Variants in TRMT10B observed in about 807,000 individuals in gnomAD.
TRMT10B encodes tRNA methyltransferase 10B, also known as tRNA methyltransferase 10 homolog B.
A neutral mutation model predicts 43.8 loss-of-function variants in TRMT10B; 33 were observed. That is an observed-to-expected ratio of 0.75 (90% CI 0.57 to 1.01). The LOEUF (loss-of-function observed/expected upper bound fraction) is 1.01, where lower values mean the gene tolerates loss of function less well. Among genes scored for constraint, TRMT10B ranks in the 50% least tolerant of loss-of-function variants. TRMT10B has a pLI of 0.00. For missense variants in TRMT10B, 362 were observed against 369.8 expected (o/e 0.98, Z 0.17); for synonymous variants, 137 against 130.6 (o/e 1.05, Z -0.34).
In TRMT10B at chr9:37,770,848, C is replaced by T. The variant is rs562935077; in HGVS notation, c.720+109C>T. Reference sequence around the variant, plus strand: ...AGAGGGTCTAAGAACTCAGAGGGAACAGGAAGAAAGAGCCATCCCCACCAG... The same window carrying T: ...AGAGGGTCTAAGAACTCAGAGGGAATAGGAAGAAAGAGCCATCCCCACCAG... On this transcript the variant is annotated intron_variant, in intron 7 of 8. Coordinates refer to ENST00000297994, the MANE Select transcript of TRMT10B (RefSeq NM_144964.4). 78 of 1,181,116 alleles carry T rather than the reference C, an allele frequency of 6.6e-5. 1 individual carries two copies. The South Asian group carries it at 1.2e-3, about 19-fold the overall frequency. The allele number at this position is 1,181,116 out of a possible 1,614,324, so 73.2% of individuals were successfully genotyped here.
chr9:37,765,751 G>A (rs1333291408), intron 4 of TRMT10B, among the ~76,000 whole-genome samples: 3 of 152,124 alleles, frequency 2.0e-5, no homozygotes, highest in African/African-American at 7.2e-5. Context: ...AGCACCTGTT[G>A]TTTCCTGACT....
At chr9:37,765,656 C>T (rs537143293) in intron 4 of TRMT10B, among the ~76,000 whole-genome samples, 11 of 152,258 alleles carry the variant, frequency 7.2e-5, no homozygotes, top group Admixed American at 2.0e-4. Flanking sequence ...CCTGAGGAAT[C>T]GCCACACCGA....
At chr9:37,759,342 A>AT (rs1203104100) in intron 1 of TRMT10B, among the ~76,000 whole-genome samples, 1 of 152,230 alleles carries the variant, frequency 6.6e-6, no homozygotes, top group African/African-American at 2.4e-5. Context: ...ATAAGTCTCA[A>AT]ATATTTTGAG....
chr9:37,762,830 A>G (rs1216453694), intron 3 of TRMT10B, 145 bp downstream of exon 3: 5 of 1,112,186 alleles, frequency 4.5e-6, no homozygotes, highest in Non-Finnish European at 6.2e-6. Flanking sequence ...GAATCAAAAC[A>G]TCAAAGAAAG....
intron 1 of TRMT10B, among the ~76,000 whole-genome samples, chr9:37,755,237 C>G (rs576992179): frequency 1.9e-3 from 292 of 150,104 alleles, no homozygotes; most frequent in African/African-American, 6.7e-3. Flanking sequence ...CGCCACTGCA[C>G]TCCAGCCTGG....
chr9:37,770,854 G>T (rs1435250376), intron 7 of TRMT10B, 115 bp downstream of exon 7: 2 of 1,084,228 alleles, frequency 1.8e-6, no homozygotes, highest in Non-Finnish European at 2.6e-6. Context: ...GGAACAGGAA[G>T]AAAGAGCCAT....
At chr9:37,762,823 TC>T in intron 3 of TRMT10B, 138 bp downstream of exon 3, 1 of 1,149,194 alleles carries the variant, frequency 8.7e-7, no homozygotes, top group Non-Finnish European at 1.2e-6. Flanking sequence ...TTCTTGGGAA[TC>T]AAAACATCAA....
intron 4 of TRMT10B, among the ~76,000 whole-genome samples, chr9:37,766,310 T>G (rs1826981348): frequency 6.6e-6 from 1 of 152,198 alleles, no homozygotes; most frequent in Non-Finnish European, 1.5e-5. Flanking sequence ...TAGCCAGTTT[T>G]CCCAGCACCA....
chr9:37,763,876 T>C, intron 4 of TRMT10B, 123 bp downstream of exon 4: 1 of 1,569,968 alleles, frequency 6.4e-7, no homozygotes, highest in African/African-American at 1.4e-5. Flanking sequence ...GTAAAGTGTT[T>C]GATTTTCTAT....
chr9:37,769,840 T>A, intron 5 of TRMT10B, 101 bp from the exon 6 acceptor site: 1 of 893,710 alleles, frequency 1.1e-6, no homozygotes, highest in South Asian at 1.3e-5. Context: ...GGAGCTCAAG[T>A]GATCCTTCCA....
intron 1 of TRMT10B, among the ~76,000 whole-genome samples, chr9:37,759,378 T>A (rs1478569482): frequency 6.6e-6 from 1 of 152,216 alleles, no homozygotes; most frequent in Non-Finnish European, 1.5e-5. Flanking sequence ...TGCTAAAGAG[T>A]ACATACTGTT....
At chr9:37,768,734 G>A (rs1403211698) in intron 5 of TRMT10B, among the ~76,000 whole-genome samples, 3 of 152,208 alleles carry the variant, frequency 2.0e-5, no homozygotes, top group Non-Finnish European at 4.4e-5. Context: ...AGCTGAGACT[G>A]AGCAGTTGTG....
chr9:37,774,637 T>C (rs1827941575), intron 7 of TRMT10B, among the ~76,000 whole-genome samples: 1 of 152,248 alleles, frequency 6.6e-6, no homozygotes, highest in Non-Finnish European at 1.5e-5. Context: ...AGACTTTTTA[T>C]AAAACAAACG....
upstream of TRMT10B, among the ~76,000 whole-genome samples, chr9:37,753,137 C>T (rs948120983): frequency 1.3e-5 from 2 of 152,026 alleles, no homozygotes; most frequent in African/African-American, 2.4e-5. Flanking sequence ...AGATCTGCAG[C>T]TTCACTCCTG....
chr9:37,770,124 C>A (rs1371471237), intron 6 of TRMT10B, 105 bp downstream of exon 6: 2 of 999,668 alleles, frequency 2.0e-6, no homozygotes, highest in East Asian at 4.8e-5. Context: ...CCCCTCCCCA[C>A]CCCCACAAAA....
chr9:37,778,160 T>TTA lies in TRMT10B; in HGVS notation c.*454_*455dup, dbSNP rs1828385034. Reference sequence around the variant, plus strand: ...TTCACAATAATGTCAGGGACCACATTTAATGCTTTTTAATCTCCCATAGTG... The same window carrying TTA: ...TTCACAATAATGTCAGGGACCACATTTATAATGCTTTTTAATCTCCCATAGTG... On this transcript the variant is annotated 3_prime_UTR_variant, in exon 9 of 9. Transcript: ENST00000297994. 6.2e-6 allele frequency: 1 copy of TTA among 160,526 alleles called. No individual in the cohort carries two copies. 9.9% of individuals were successfully genotyped at this position (160,526 alleles called of 1,614,324 possible).
intron 1 of TRMT10B, 53 bp from the exon 2 acceptor site, chr9:37,761,850 T>G (rs1826371472): frequency 7.9e-7 from 1 of 1,271,256 alleles, no homozygotes; most frequent in Non-Finnish European, 1.1e-6. Context: ...TGTAGGGAGA[T>G]ACCTATGTTA....
chr9:37,757,844 C>T (rs1378743698), intron 1 of TRMT10B, among the ~76,000 whole-genome samples: 1 of 152,206 alleles, frequency 6.6e-6, no homozygotes, highest in Non-Finnish European at 1.5e-5. Context: ...CTTAAATCCT[C>T]TAGCTATTGT....
intron 7 of TRMT10B, among the ~76,000 whole-genome samples, chr9:37,775,056 C>T (rs1564005317): frequency 6.6e-6 from 1 of 152,180 alleles, no homozygotes; most frequent in Non-Finnish European, 1.5e-5. Flanking sequence ...GGGAATAGAC[C>T]TAGGATGAAT....
Sources: gnomAD v4.1 joint callset for allele counts (sites outside exome capture counted in the v4.1 genomes callset) on GRCh38, gnomAD v4.1.1 for gene constraint, MANE v1.5 for transcripts, NCBI Gene and HGNC (gene_info 2026-07-23, HGNC 2026-07-21) for gene names.